SLC9A3: variants seen among roughly 807,000 people sequenced by gnomAD.
SLC9A3 encodes the protein sodium/hydrogen exchanger 3.
SLC9A3 carries 37 observed loss-of-function variants against 86.8 expected under a neutral mutation model. That is an observed-to-expected ratio of 0.43 (90% CI 0.33 to 0.56). The LOEUF (loss-of-function observed/expected upper bound fraction) is 0.56, where lower values mean the gene tolerates loss of function less well. Among genes scored for constraint, SLC9A3 ranks in the 20% least tolerant of loss-of-function variants. SLC9A3 has a pLI of 0.06. For missense variants in SLC9A3, 1,011 were observed against 1,171.9 expected (o/e 0.86, Z 2.00); for synonymous variants, 581 against 528.3 (o/e 1.10, Z -1.37).
In SLC9A3 at chr5:496,275, A is replaced by G. The variant is rs1036318148; in HGVS notation, c.212-4204T>C. 6.6e-6 allele frequency among the ~76,000 whole-genome samples: 1 copy of G among 152,012 alleles called. No homozygotes were observed. Among genetic ancestry groups the G allele is most frequent in the Non-Finnish European group, 1.5e-5 (1 of 67,994 alleles). On this transcript the variant is annotated intron_variant, in intron 1 of 16. Coordinates refer to ENST00000264938, the MANE Select transcript of SLC9A3 (RefSeq NM_004174.4). The surrounding 1 kb of genome is among the most constrained non-coding windows in gnomAD (Gnocchi z 4.7). ...GTCTTCAGGGTGTGTGTGTGTTGAG[A>G]GCTCACCTGTGTCCTCCTGCATGGG...
chr5:508,085 C>T (rs995121587), intron 1 of SLC9A3, among the ~76,000 whole-genome samples: 1 of 152,266 alleles, frequency 6.6e-6, no homozygotes, highest in Non-Finnish European at 1.5e-5. Context: ...GCCCCTCACA[C>T]CAGTGGAGCC....
intron 1 of SLC9A3, among the ~76,000 whole-genome samples, chr5:498,640 G>A (rs4245971): frequency 0.34 from 52,300 of 151,984 alleles, 9,408 homozygotes; most frequent in East Asian, 0.48. Context: ...GGGGTCAAGC[G>A]ACACGCCCAC....
intron 1 of SLC9A3, among the ~76,000 whole-genome samples, chr5:507,406 C>T (rs1198674091): frequency 3.3e-5 from 5 of 151,418 alleles, no homozygotes; most frequent in African/African-American, 1.2e-4. Context: ...CTCTGTTGCC[C>T]AGGCGAGCAC....
In SLC9A3 at chr5:476,730, G is replaced by A. The variant is rs79774603; in HGVS notation, c.1761-58C>T. 1,611 of 1,579,886 alleles carry A rather than the reference G, an allele frequency of 1.0e-3. 24 individuals are homozygous for A. In the East Asian group the frequency reaches 0.021, roughly 21 times the overall value. On this transcript the variant is annotated intron_variant, in intron 11 of 16. Coordinates refer to ENST00000264938, the MANE Select transcript of SLC9A3 (RefSeq NM_004174.4). ...TCCCTCAGGGTGGGGTCTCTTGCGC[G>A]CCCCTCGCCTTCCCACGGCGGGCAT...
In SLC9A3 at chr5:483,516, C is replaced by T. The variant is rs1268194337; in HGVS notation, c.933-34G>A. 2.7e-6 allele frequency: 4 copies of T among 1,485,008 alleles called. No homozygotes were observed. The South Asian group carries it at 4.8e-5, about 18-fold the overall frequency. The allele number at this position is 1,485,008 out of a possible 1,614,324, so 92.0% of individuals were successfully genotyped here. Reference sequence around the variant, plus strand: ...ACAGACGCGCCTCAGGACACGGCCACCTGGCCTGGCGCCCGAGGCCCCCGT... The same window carrying T: ...ACAGACGCGCCTCAGGACACGGCCATCTGGCCTGGCGCCCGAGGCCCCCGT... On this transcript the variant is annotated intron_variant, in intron 5 of 16. Coordinates refer to ENST00000264938, the MANE Select transcript of SLC9A3 (RefSeq NM_004174.4).
chr5:472,063 A>G lies in SLC9A3; in HGVS notation c.*1316T>C. 2.2e-6 allele frequency: 1 copy of G among 452,436 alleles called. No homozygotes were observed. Among genetic ancestry groups the G allele is most frequent in the Non-Finnish European group, 4.5e-6 (1 of 224,310 alleles). 28.0% of individuals were successfully genotyped at this position (452,436 alleles called of 1,614,324 possible). A position where few individuals can be genotyped will look rare whatever the true frequency, so the allele number is the denominator to read the frequency against. On this transcript the variant is annotated 3_prime_UTR_variant, in exon 17 of 17. Coordinates refer to ENST00000264938, the MANE Select transcript of SLC9A3 (RefSeq NM_004174.4). The stretch of plus-strand genomic sequence containing the variant: ...TCCACCTCCACCACTTCCACCGTGC[A>G]GGCAGGTTTCAGGTGGGTTGGACCC...
At chr5:486,527 C>T (rs1227123622) in intron 3 of SLC9A3, among the ~76,000 whole-genome samples, 2 of 152,180 alleles carry the variant, frequency 1.3e-5, no homozygotes, top group Non-Finnish European at 2.9e-5. Context: ...CCCCGCCTCC[C>T]GGAACACCAT....
intron 2 of SLC9A3, 111 bp from the exon 3 acceptor site, chr5:488,587 C>T (rs1274629122): frequency 4.4e-6 from 5 of 1,146,708 alleles, no homozygotes; most frequent in Non-Finnish European, 6.0e-6. Flanking sequence ...CTGGCTGGCG[C>T]CGGTGGCGTG....
In SLC9A3 at chr5:471,177, G is replaced by T. The variant is rs554715787; in HGVS notation, c.*2202C>A. 1 of 157,604 alleles carries T rather than the reference G, an allele frequency of 6.3e-6. No individual in the cohort carries two copies. The highest frequency in any genetic ancestry group is 6.0e-5 in the Admixed American group (1 of 16,664). 9.8% of individuals were successfully genotyped at this position (157,604 alleles called of 1,614,324 possible). A position where few individuals can be genotyped will look rare whatever the true frequency, so the allele number is the denominator to read the frequency against. On this transcript the variant is annotated 3_prime_UTR_variant, in exon 17 of 17. Transcript: ENST00000264938. The stretch of plus-strand genomic sequence containing the variant: ...AGACCGACCAGTCAAGGAGGTGTTG[G>T]TGGGAGTGTTGTGTTCACCATGTGG...
At chr5:502,326 G>T (rs2126640829) in intron 1 of SLC9A3, among the ~76,000 whole-genome samples, 1 of 152,268 alleles carries the variant, frequency 6.6e-6, no homozygotes, top group Non-Finnish European at 1.5e-5. Flanking sequence ...AGCAGCGTGA[G>T]AACAGACAGA....
intron 1 of SLC9A3, among the ~76,000 whole-genome samples, chr5:503,524 G>A (rs1466141602): frequency 1.3e-5 from 2 of 152,208 alleles, no homozygotes; most frequent in East Asian, 1.9e-4. Context: ...TCCTTGCCCA[G>A]AAAAAGGCCT....
At chr5:485,400 C>T (rs1473922798) in intron 3 of SLC9A3, among the ~76,000 whole-genome samples, 169 bp from the exon 4 acceptor site, 1 of 152,236 alleles carries the variant, frequency 6.6e-6, no homozygotes, top group Non-Finnish European at 1.5e-5. Context: ...AGCCCAGAGC[C>T]CAGCAGCCAG....
In SLC9A3 at chr5:474,999, G is replaced by C; in HGVS notation, c.2385C>G (p.Pro795=). The C allele has an allele frequency of 6.2e-7, 1 of 1,612,248 alleles. No homozygotes were observed. Among genetic ancestry groups the C allele is most frequent in the Non-Finnish European group, 8.5e-7 (1 of 1,179,728 alleles). The stretch of plus-strand genomic sequence containing the variant: ...AGGGCATCAGGCGGCAGAAGGTGCC[G>C]GGAGAGTAGGGAATCTGCGTGCGGG... The part of the protein sequence containing the change: ...QRARTQIPYS[P]GTFCRLMPFR... Residue 795 remains proline (P), a synonymous_variant, in exon 16 of 17, where the codon CCC becomes CCG. Coordinates refer to ENST00000264938, the MANE Select transcript of SLC9A3 (RefSeq NM_004174.4).
At chr5:521,576 G>A (rs750578763) in intron 1 of SLC9A3, among the ~76,000 whole-genome samples, 7 of 152,196 alleles carry the variant, frequency 4.6e-5, no homozygotes, top group Admixed American at 1.3e-4. Context: ...ATTTCTGTTC[G>A]TGTAACTTGA....
chr5:511,556 T>C (rs1740869300), intron 1 of SLC9A3, among the ~76,000 whole-genome samples: 1 of 152,182 alleles, frequency 6.6e-6, no homozygotes, highest in Admixed American at 6.5e-5. Context: ...ACAGCCCATG[T>C]CATGGCGGAG....
chr5:474,681 G>A (rs1738595609), intron 16 of SLC9A3, among the ~76,000 whole-genome samples: 1 of 29,628 alleles, frequency 3.4e-5, no homozygotes, highest in Admixed American at 2.0e-4. Context: ...TGCGGAGAGG[G>A]GTTAGGCGGG....
chr5:493,863 C>G (rs746683235), intron 1 of SLC9A3, among the ~76,000 whole-genome samples: 8 of 152,212 alleles, frequency 5.3e-5, no homozygotes, highest in Non-Finnish European at 7.3e-5. Context: ...GATCTGAGCT[C>G]CACACCTGTC....
At chr5:499,995 G>T (rs904603666) in intron 1 of SLC9A3, among the ~76,000 whole-genome samples, 1 of 152,238 alleles carries the variant, frequency 6.6e-6, no homozygotes, top group Non-Finnish European at 1.5e-5. Flanking sequence ...CAGCCTCCTC[G>T]GCCCAGAGCT....
rs1738496102 is a variant in SLC9A3, at chr5:473,253, G to GGCGA, written c.*125_*126insTCGC. The GGCGA allele has an allele frequency of 3.7e-6, 4 of 1,070,016 alleles. No homozygotes were observed. Among genetic ancestry groups the GGCGA allele is most frequent in the East Asian group, 6.6e-5 (2 of 30,088 alleles). The allele number at this position is 1,070,016 out of a possible 1,614,324, so 66.3% of individuals were successfully genotyped here. On this transcript the variant is annotated 3_prime_UTR_variant, in exon 17 of 17. Transcript: ENST00000264938. ...CGCAGGCGCTGGCGTGGGCGAGGCG[G>GGCGA]GGCTCGGGGCTCGCGGTCGCTGTAG...
Sources: gnomAD v4.1 joint callset for allele counts (sites outside exome capture counted in the v4.1 genomes callset) on GRCh38, gnomAD v4.1.1 for gene constraint, Gnocchi (gnomAD v3.1) non-coding constraint, MANE v1.5 for transcripts, NCBI Gene and HGNC (gene_info 2026-07-23, HGNC 2026-07-21) for gene names.